The following HPSE2 variants were observed in gnomAD, a reference collection of about 807,000 sequenced individuals.
HPSE2 encodes heparanase 2 (inactive).
Under a neutral mutation model 60.5 loss-of-function variants are expected in HPSE2, and 38 were observed. The observed-to-expected ratio is 0.63, with a 90% CI of 0.48 to 0.82. The LOEUF (loss-of-function observed/expected upper bound fraction) is 0.82, where lower values mean the gene tolerates loss of function less well. Ranked by LOEUF, HPSE2 falls within the 40% of genes least tolerant of loss-of-function variation. HPSE2 has a pLI of 0.00. For synonymous variants in HPSE2, 295 were observed against 293.2 expected (o/e 1.01, Z -0.06); for missense variants, 713 against 740.4 (o/e 0.96, Z 0.43).
the HPSE2 span, among the ~76,000 whole-genome samples, chr10:99,301,296 T>C: frequency 0.33 from 50,866 of 152,078 alleles, 11,567 homozygotes; most frequent in African/African-American, 0.65. Flanking sequence ...TCTTGCAATA[T>C]GTAGATGACT....
rs776394801 is a variant in HPSE2, at chr10:99,057,210, AT to A, written c.610+87027del. ...TTTACCACATATAAATTTTACTTCA[AT>A]TTTTTAAAGTTACAATATGGGAAAA... is the stretch of plus-strand genomic sequence containing the variant. On this transcript the variant is annotated intron_variant, in intron 3 of 11. Coordinates refer to ENST00000370552, the MANE Select transcript of HPSE2 (RefSeq NM_021828.5). Among the ~76,000 whole-genome samples, 5 of 152,138 alleles carry A rather than the reference AT, an allele frequency of 3.3e-5. No homozygotes were observed. The East Asian group carries it at 9.7e-4, about 29-fold the overall frequency.
chr10:99,025,732 G>A (rs1957363811), intron 3 of HPSE2, among the ~76,000 whole-genome samples: 1 of 151,994 alleles, frequency 6.6e-6, no homozygotes, highest in Non-Finnish European at 1.5e-5. Context: ...AGAGGAGAGA[G>A]GAGCAGAAAA....
chr10:99,021,888 G>GT (rs147115981), intron 3 of HPSE2, among the ~76,000 whole-genome samples: 3 of 150,928 alleles, frequency 2.0e-5, no homozygotes, highest in Non-Finnish European at 2.9e-5. Context: ...CATTGTACCT[G>GT]TTTTTTTATT....
chr10:99,096,935 G>C (rs1843738258), intron 3 of HPSE2, among the ~76,000 whole-genome samples: 1 of 152,164 alleles, frequency 6.6e-6, no homozygotes, highest in Non-Finnish European at 1.5e-5. Context: ...AGCATTGGTG[G>C]GAGCCAAGGT....
the HPSE2 span, among the ~76,000 whole-genome samples, chr10:99,251,465 G>A: frequency 7.3e-5 from 3 of 41,070 alleles, no homozygotes; most frequent in African/African-American, 1.4e-4. Flanking sequence ...AAAAATCGAG[G>A]AGGAGGGACT....
chr10:99,270,833 A>C, the HPSE2 span, among the ~76,000 whole-genome samples: 30 of 152,330 alleles, frequency 2.0e-4, no homozygotes, highest in Admixed American at 2.0e-3. Flanking sequence ...GGTTTAATAC[A>C]TGCAAGACAA....
intron 6 of HPSE2, among the ~76,000 whole-genome samples, chr10:98,645,537 T>C (rs923103041): frequency 3.3e-5 from 5 of 152,210 alleles, no homozygotes; most frequent in Non-Finnish European, 7.3e-5. Flanking sequence ...CCAATTCACA[T>C]TTGAATGTCA....
chr10:99,252,646 G>A, the HPSE2 span, among the ~76,000 whole-genome samples: 2 of 152,154 alleles, frequency 1.3e-5, no homozygotes, highest in Non-Finnish European at 2.9e-5. Flanking sequence ...GGAGGCTGAG[G>A]TGGGTAGATC....
intron 3 of HPSE2, among the ~76,000 whole-genome samples, chr10:98,841,475 A>G (rs999925077): frequency 1.3e-5 from 2 of 152,202 alleles, no homozygotes; most frequent in Non-Finnish European, 2.9e-5. Context: ...GCTTTATTAA[A>G]AAAAGGTATC....
intron 3 of HPSE2, among the ~76,000 whole-genome samples, chr10:98,939,465 A>G (rs1954920368): frequency 7.0e-6 from 1 of 143,306 alleles, no homozygotes; most frequent in African/African-American, 2.9e-5. Flanking sequence ...TTAAACCAAA[A>G]AGATCAAAAG....
At chr10:98,562,712 C>G (rs539849591) in intron 9 of HPSE2, among the ~76,000 whole-genome samples, 1 of 38,124 alleles carries the variant, frequency 2.6e-5, no homozygotes, top group Non-Finnish European at 5.8e-5. Flanking sequence ...GAGACTCTGT[C>G]TCAAAAAAAA....
chr10:99,300,832 C>T, the HPSE2 span, among the ~76,000 whole-genome samples: 1 of 152,144 alleles, frequency 6.6e-6, no homozygotes, highest in East Asian at 1.9e-4. Context: ...GTTAATTATT[C>T]ATGGAAAAAA....
At chr10:98,975,169 T>C (rs1375497481) in intron 3 of HPSE2, among the ~76,000 whole-genome samples, 1 of 152,184 alleles carries the variant, frequency 6.6e-6, no homozygotes, top group African/African-American at 2.4e-5. Flanking sequence ...GAAATCTTAT[T>C]AGATTTAATG....
chr10:98,462,370 G>A (rs1287684324), intron 11 of HPSE2, among the ~76,000 whole-genome samples: 2 of 152,038 alleles, frequency 1.3e-5, no homozygotes, highest in Non-Finnish European at 2.9e-5. Context: ...GTAGAGACGG[G>A]GTTTCACCAT....
chr10:99,019,462 T>A (rs981893148), intron 3 of HPSE2, among the ~76,000 whole-genome samples: 2 of 152,218 alleles, frequency 1.3e-5, no homozygotes, highest in Non-Finnish European at 2.9e-5. Flanking sequence ...TTGGACTTTC[T>A]CTTATTTCTG....
At chr10:98,606,118 T>C (rs1945578057) in intron 9 of HPSE2, among the ~76,000 whole-genome samples, 1 of 152,228 alleles carries the variant, frequency 6.6e-6, no homozygotes, top group Non-Finnish European at 1.5e-5. Flanking sequence ...GATCTTGTCT[T>C]TCCCCTTCAC....
intron 3 of HPSE2, among the ~76,000 whole-genome samples, chr10:99,133,183 G>C (rs1268281117): frequency 6.6e-6 from 1 of 152,234 alleles, no homozygotes; most frequent in Non-Finnish European, 1.5e-5. Flanking sequence ...TGGCCAGACT[G>C]CCAGATTTCC....
chr10:99,307,830 G>GCA, the HPSE2 span, among the ~76,000 whole-genome samples: 6,362 of 140,944 alleles, frequency 0.045, 197 homozygotes, highest in East Asian at 0.16. Flanking sequence ...CCTAGTAAAT[G>GCA]CGCACACACA....
At chr10:99,132,167 A>AG (rs1845421788) in intron 3 of HPSE2, among the ~76,000 whole-genome samples, 1 of 7,112 alleles carries the variant, frequency 1.4e-4, no homozygotes, top group Non-Finnish European at 5.9e-4. Context: ...GAAAGAAAGA[A>AG]AGAAAGAAAG....
Sources: gnomAD v4.1 joint callset for allele counts (sites outside exome capture counted in the v4.1 genomes callset) on GRCh38, gnomAD v4.1.1 for gene constraint, MANE v1.5 for transcripts, NCBI Gene and HGNC (gene_info 2026-07-23, HGNC 2026-07-21) for gene names.